Variants in UNC79 observed in about 807,000 individuals in gnomAD.
UNC79 encodes unc-79 subunit of NALCN channel complex.
UNC79 carries 37 observed loss-of-function variants against 283.1 expected under a neutral mutation model. That is an observed-to-expected ratio of 0.13 (90% CI 0.10 to 0.17). The LOEUF (loss-of-function observed/expected upper bound fraction) is 0.17, where lower values mean the gene tolerates loss of function less well. Among genes scored for constraint, UNC79 ranks in the 10% least tolerant of loss-of-function variants. UNC79 has a pLI of 1.00. For missense variants in UNC79, 2,272 were observed against 3,211.1 expected, an observed-to-expected ratio of 0.71 and a Z score of 7.07; for synonymous variants, 1,107 against 1,200.2, an observed-to-expected ratio of 0.92 and a Z score of 1.61.
chr14:93,617,039 C>A lies in UNC79; in HGVS notation c.4042-83C>A. The A allele has an allele frequency of 7.6e-7, 1 of 1,322,718 alleles. No individual in the cohort carries two copies. The highest frequency in any genetic ancestry group is 1.0e-6 in the Non-Finnish European group (1 of 970,794). The allele number at this position is 1,322,718 out of a possible 1,614,324, so 81.9% of individuals were successfully genotyped here. A position where few individuals can be genotyped will look rare whatever the true frequency, so the allele number is the denominator to read the frequency against. Reference sequence around the variant, plus strand: ...TTTTGCCTGTTAAAAATTTTAACCACTGGGATGGCTCAAATTTTTCCTTTT... The same window carrying A: ...TTTTGCCTGTTAAAAATTTTAACCAATGGGATGGCTCAAATTTTTCCTTTT... On this transcript the variant is annotated intron_variant, in intron 27 of 48. Coordinates refer to ENST00000555664, the Ensembl canonical transcript of UNC79. The surrounding 1 kb of genome is among the most constrained non-coding windows in gnomAD (Gnocchi z 4.5).
intron 1 of UNC79, among the ~76,000 whole-genome samples, chr14:93,342,400 G>A (rs1271130243): frequency 6.6e-6 from 1 of 152,190 alleles, no homozygotes; most frequent in Non-Finnish European, 1.5e-5. Context: ...ATGTCTTGAG[G>A]CTGCACAGAG....
chr14:93,404,493 A>AAAAAAATATATATATATAT, intron 1 of UNC79, among the ~76,000 whole-genome samples: 19 of 61,488 alleles, frequency 3.1e-4, no homozygotes, highest in South Asian at 2.3e-3. Flanking sequence ...TTCTAAAAAA[A>AAAAAAATATATATATATAT]ATATATATAT....
At chr14:93,515,032 A>G (rs188381850) in intron 7 of UNC79, among the ~76,000 whole-genome samples, 2 of 152,184 alleles carry the variant, frequency 1.3e-5, no homozygotes, top group East Asian at 3.9e-4. Context: ...CCTTTTATGC[A>G]TATTTTTTGT....
intron 22 of UNC79, among the ~76,000 whole-genome samples, chr14:93,592,823 A>C (rs1159693518): frequency 6.6e-6 from 1 of 152,232 alleles, no homozygotes; most frequent in Admixed American, 6.5e-5. Flanking sequence ...ACTTAGCTGA[A>C]ACTTGCTGAG....
At chr14:93,646,500 A>T (rs1299578951) in intron 34 of UNC79, 108 bp from the exon 38 acceptor site, 2 of 1,042,658 alleles carry the variant, frequency 1.9e-6, no homozygotes, top group East Asian at 5.0e-5. Context: ...AACATTATAC[A>T]TGTCTCCCCA....
chr14:93,341,508 C>T (rs1405512171), intron 1 of UNC79, among the ~76,000 whole-genome samples: 1 of 150,758 alleles, frequency 6.6e-6, no homozygotes, highest in East Asian at 1.9e-4. Context: ...TTTATGCCTG[C>T]AATCCTAGCA....
intron 1 of UNC79, among the ~76,000 whole-genome samples, chr14:93,398,086 A>G (rs78422518): frequency 0.017 from 2,654 of 152,256 alleles, 40 homozygotes; most frequent in South Asian, 0.074. Context: ...ACCATTTTCA[A>G]TGATGTCTTC....
intron 1 of UNC79, among the ~76,000 whole-genome samples, chr14:93,448,931 T>C (rs1471895494): frequency 6.6e-6 from 1 of 152,208 alleles, no homozygotes; most frequent in Non-Finnish European, 1.5e-5. Flanking sequence ...TCAGATCTTA[T>C]CACTTGAGGA....
chr14:93,420,001 C>T (rs1013037661), intron 1 of UNC79, among the ~76,000 whole-genome samples: 14 of 151,258 alleles, frequency 9.3e-5, no homozygotes, highest in African/African-American at 3.4e-4. Flanking sequence ...AATCGTACCA[C>T]CAGAGAAAAT....
intron 48 of UNC79, 53 bp from the exon 52 acceptor site, chr14:93,706,651 C>T (rs2075901208): frequency 2.5e-6 from 4 of 1,606,196 alleles, no homozygotes; most frequent in South Asian, 2.2e-5. Flanking sequence ...TCGACACTCC[C>T]TGGGTTGCCC....
At chr14:93,418,502 G>A (rs28829998) in intron 1 of UNC79, among the ~76,000 whole-genome samples, 7,801 of 151,448 alleles carry the variant, frequency 0.052, 383 homozygotes, top group Admixed American at 0.12. Context: ...CAGTCTGCCC[G>A]TTCTCAGATC....
chr14:93,580,550 G>C (rs748147640), intron 19 of UNC79, among the ~76,000 whole-genome samples, 174 bp downstream of exon 19: 3 of 152,168 alleles, frequency 2.0e-5, no homozygotes, highest in Non-Finnish European at 2.9e-5. Flanking sequence ...CTTGGAAAGG[G>C]ATACAAACTG....
intron 5 of UNC79, 62 bp from the exon 6 acceptor site, chr14:93,496,349 A>C: frequency 8.8e-7 from 1 of 1,129,976 alleles, no homozygotes; most frequent in Middle Eastern, 2.9e-4. Context: ...ATATATGTAT[A>C]TCAAAGGATG....
At chr14:93,576,689 G>C (rs1382224760) in intron 17 of UNC79, among the ~76,000 whole-genome samples, 1 of 152,064 alleles carries the variant, frequency 6.6e-6, no homozygotes, top group African/African-American at 2.4e-5. Flanking sequence ...AGAGTTCCTG[G>C]GGCACCAAAC....
At chr14:93,705,499 G>A (rs909655575) in intron 48 of UNC79, among the ~76,000 whole-genome samples, 1 of 152,162 alleles carries the variant, frequency 6.6e-6, no homozygotes, top group African/African-American at 2.4e-5. Flanking sequence ...ATAAATGATA[G>A]GATTGAGCTA....
chr14:93,629,802 GA>G (rs2067875411), intron 30 of UNC79, among the ~76,000 whole-genome samples: 1 of 152,236 alleles, frequency 6.6e-6, no homozygotes, highest in Non-Finnish European at 1.5e-5. Flanking sequence ...TTAAGCTTAA[GA>G]ACTTGAAGCC....
intron 30 of UNC79, among the ~76,000 whole-genome samples, chr14:93,628,261 C>T (rs1487748393): frequency 6.6e-6 from 1 of 152,194 alleles, no homozygotes; most frequent in African/African-American, 2.4e-5. Context: ...CACCACAATG[C>T]TACCTAGCCA....
chr14:93,375,973 C>T (rs905759198), intron 1 of UNC79, among the ~76,000 whole-genome samples: 2 of 152,100 alleles, frequency 1.3e-5, no homozygotes, highest in African/African-American at 2.4e-5. Context: ...CCCTTCACCA[C>T]GTGATTCCCT....
At chr14:93,337,684 C>T (rs2053608380) in intron 1 of UNC79, among the ~76,000 whole-genome samples, 2 of 152,144 alleles carry the variant, frequency 1.3e-5, no homozygotes, top group African/African-American at 4.8e-5. Context: ...ACATGCCCCC[C>T]TGAAACACAC....
Sources: allele counts gnomAD v4.1 joint callset (sites outside exome capture counted in the v4.1 genomes callset), GRCh38; gene constraint gnomAD v4.1.1; non-coding constraint Gnocchi (gnomAD v3.1); transcripts MANE v1.5; gene names NCBI Gene and HGNC (gene_info 2026-07-23, HGNC 2026-07-21).